The following PANX1 variants were observed in gnomAD, a reference collection of about 807,000 sequenced individuals.
PANX1 encodes pannexin-1.
In PANX1, 30 loss-of-function variants were observed where a neutral mutation model predicts 38.7. The observed-to-expected ratio is 0.78, with a 90% confidence interval of 0.58 to 1.05. PANX1 has a LOEUF of 1.05. Among genes scored for constraint, PANX1 ranks in the 50% least tolerant of loss-of-function variants. PANX1 has a pLI of 0.00. For missense variants in PANX1, 551 were observed against 517.2 expected (o/e 1.07, Z -0.63); for synonymous variants, 230 against 212.2 (o/e 1.08, Z -0.73).
intron 1 of PANX1, among the ~76,000 whole-genome samples, chr11:94,140,573 C>T (rs1447373538): frequency 6.6e-6 from 1 of 152,172 alleles, no homozygotes; most frequent in Admixed American, 6.5e-5. Context: ...ATTCATTTAA[C>T]CGTCTGTTTA....
intron 2 of PANX1, among the ~76,000 whole-genome samples, chr11:94,169,181 A>C (rs915520283): frequency 2.0e-5 from 3 of 151,530 alleles, no homozygotes; most frequent in African/African-American, 4.9e-5. Context: ...GGTGTTTCTT[A>C]GGGGGTGATT....
intron 1 of PANX1, among the ~76,000 whole-genome samples, chr11:94,136,964 A>G (rs1367725370): frequency 6.6e-6 from 1 of 152,036 alleles, no homozygotes; most frequent in Non-Finnish European, 1.5e-5. Context: ...GAAGGCAAAC[A>G]GGGAGCAGGC....
At position 94,149,109 on chromosome 11, in the gene PANX1, T is replaced by C. The variant is rs555999390; in HGVS notation, c.182-4382T>C. 2.6e-5 allele frequency among the ~76,000 whole-genome samples: 4 copies of C among 152,180 alleles called. No individual in the cohort carries two copies. The East Asian group carries it at 7.7e-4, about 29-fold the overall frequency. Reference sequence around the variant, plus strand: ...GCAGGATCTAACCCTGTGTTATTAATGCATGAGAATGAAAGAAAGCATGTT... The same window carrying C: ...GCAGGATCTAACCCTGTGTTATTAACGCATGAGAATGAAAGAAAGCATGTT... On this transcript the variant is annotated intron_variant, in intron 1 of 4. Transcript: ENST00000227638.
chr11:94,138,761 C>T (rs1168995973), intron 1 of PANX1, among the ~76,000 whole-genome samples: 1 of 152,126 alleles, frequency 6.6e-6, no homozygotes, highest in South Asian at 2.1e-4. Flanking sequence ...TATTTTTATG[C>T]CCATTAACCA....
intron 2 of PANX1, among the ~76,000 whole-genome samples, chr11:94,159,070 G>C (rs994317895): frequency 6.6e-5 from 10 of 152,294 alleles, no homozygotes; most frequent in African/African-American, 2.4e-4. Flanking sequence ...TGCGTATGTT[G>C]AACCAGCCTT....
chr11:94,158,422 A>C (rs1438547081), intron 2 of PANX1, among the ~76,000 whole-genome samples: 5 of 151,996 alleles, frequency 3.3e-5, no homozygotes, highest in African/African-American at 7.3e-5. Context: ...CTTTAATTTC[A>C]TTGAGCAGTG....
At chr11:94,138,170 CT>C (rs1305921592) in intron 1 of PANX1, among the ~76,000 whole-genome samples, 2 of 152,128 alleles carry the variant, frequency 1.3e-5, no homozygotes, top group South Asian at 2.1e-4. Context: ...ATGGATACTT[CT>C]CCCCGCAGCT....
intron 1 of PANX1, among the ~76,000 whole-genome samples, chr11:94,145,262 A>G (rs1214226742): frequency 1.3e-5 from 2 of 152,092 alleles, no homozygotes; most frequent in South Asian, 2.1e-4. Context: ...TTTAGTCCTT[A>G]TATGTGTAAC....
intron 2 of PANX1, among the ~76,000 whole-genome samples, chr11:94,159,360 C>T (rs867712191): frequency 2.6e-5 from 4 of 152,168 alleles, no homozygotes; most frequent in Middle Eastern, 3.4e-3. Flanking sequence ...TGGTAGAATT[C>T]GGCTGTGAAT....
At chr11:94,166,927 G>A (rs1228546284) in intron 2 of PANX1, among the ~76,000 whole-genome samples, 2 of 152,050 alleles carry the variant, frequency 1.3e-5, no homozygotes, top group Admixed American at 6.6e-5. Context: ...GCAGCACCAG[G>A]GCTTGTCCAA....
intron 2 of PANX1, among the ~76,000 whole-genome samples, chr11:94,177,398 A>T (rs1947246579): frequency 6.6e-6 from 1 of 151,810 alleles, no homozygotes; most frequent in African/African-American, 2.4e-5. Context: ...CGAAAGTGAC[A>T]TCAAGGGCCT....
chr11:94,172,664 A>G (rs1415883064), intron 2 of PANX1, among the ~76,000 whole-genome samples: 1 of 151,690 alleles, frequency 6.6e-6, no homozygotes, highest in Admixed American at 6.5e-5. Context: ...TCAAACCTGT[A>G]ATATTTACTC....
rs1947300102 is a variant in PANX1 at position 94,180,948 on chromosome 11, C to T, written c.*79C>T. The T allele has an allele frequency of 1.2e-6, 1 of 815,008 alleles. No individual in the cohort carries two copies. The highest frequency in any genetic ancestry group is 1.7e-5 in the African/African-American group (1 of 59,064). The allele number at this position is 815,008 out of a possible 1,614,324, so 50.5% of individuals were successfully genotyped here. A position where few individuals can be genotyped will look rare whatever the true frequency, so the allele number is the denominator to read the frequency against. On this transcript the variant is annotated 3_prime_UTR_variant, in exon 5 of 5. Transcript: ENST00000227638. ...TTGGCTAAAGCACCCCTGTTGGTTTCACAGCTGGTTTGCAATAAATGGTTC... is the reference window on the plus strand; with the variant it reads ...TTGGCTAAAGCACCCCTGTTGGTTTTACAGCTGGTTTGCAATAAATGGTTC...
In PANX1 at chr11:94,180,886, G is replaced by A. The variant is rs372065089; in HGVS notation, c.*17G>A. On this transcript the variant is annotated 3_prime_UTR_variant, in exon 5 of 5. Coordinates refer to ENST00000227638, the MANE Select transcript of PANX1 (RefSeq NM_015368.4). ...TCTTGCTGATGATTTTTTTCCTTGA[G>A]CTGTAAATCTGTGACTTCTGCGACA... is the stretch of plus-strand genomic sequence containing the variant. The A allele has an allele frequency of 1.0e-5, 15 of 1,468,010 alleles. No individual in the cohort carries two copies. The highest frequency in any genetic ancestry group is 1.4e-5 in the African/African-American group (1 of 72,068). 90.9% of individuals were successfully genotyped at this position (1,468,010 alleles called of 1,614,324 possible).
At chr11:94,132,350 G>GA (rs1946639540) in intron 1 of PANX1, among the ~76,000 whole-genome samples, 1 of 152,174 alleles carries the variant, frequency 6.6e-6, no homozygotes, top group East Asian at 1.9e-4. Context: ...CTGATGCTGT[G>GA]GAAAGGCAGA....
chr11:94,162,043 G>A (rs1357861537), intron 2 of PANX1, among the ~76,000 whole-genome samples: 1 of 152,178 alleles, frequency 6.6e-6, no homozygotes, highest in Non-Finnish European at 1.5e-5. Flanking sequence ...AGATACTGGT[G>A]AGCAGCAAAT....
chr11:94,136,323 G>C (rs1048984527), intron 1 of PANX1, among the ~76,000 whole-genome samples: 1 of 152,136 alleles, frequency 6.6e-6, no homozygotes, highest in Non-Finnish European at 1.5e-5. Flanking sequence ...CTCCTTCAGG[G>C]GGTAGAATTG....
At chr11:94,164,109 GTCTT>G (rs1228198588) in intron 2 of PANX1, among the ~76,000 whole-genome samples, 3 of 147,258 alleles carry the variant, frequency 2.0e-5, no homozygotes, top group Admixed American at 6.6e-5. Context: ...TATTTATTTG[GTCTT>G]TCTTTTTTTT....
At chr11:94,158,539 G>A (rs958051421) in intron 2 of PANX1, among the ~76,000 whole-genome samples, 1 of 151,672 alleles carries the variant, frequency 6.6e-6, no homozygotes, top group Non-Finnish European at 1.5e-5. Context: ...TCATGATTTG[G>A]CTCTCTGTTT....
Sources: allele counts gnomAD v4.1 joint callset (sites outside exome capture counted in the v4.1 genomes callset), GRCh38; gene constraint gnomAD v4.1.1; transcripts MANE v1.5; gene names NCBI Gene and HGNC (gene_info 2026-07-23, HGNC 2026-07-21).